Variants in GPHN observed in about 807,000 individuals in gnomAD.
The protein encoded by GPHN is gephyrin.
In GPHN, 17 loss-of-function variants were observed where a neutral mutation model predicts 95.5. The observed-to-expected ratio is 0.18, with a 90% CI of 0.12 to 0.27. The LOEUF (loss-of-function observed/expected upper bound fraction) is 0.27, where lower values mean the gene tolerates loss of function less well. GPHN is among the 10% of genes least tolerant of loss of function. The pLI is 1.00. For missense variants in GPHN, 660 were observed against 978.1 expected, an observed-to-expected ratio of 0.67 and a Z score of 4.34; for synonymous variants, 320 against 322.5, an observed-to-expected ratio of 0.99 and a Z score of 0.08.
At chr14:67,327,001 C>T in the GPHN span, among the ~76,000 whole-genome samples, 1 of 151,896 alleles carries the variant, frequency 6.6e-6, no homozygotes, top group African/African-American at 2.4e-5. Flanking sequence ...ATAGTGAAAC[C>T]CCGTCTCTAC....
intron 1 of GPHN, chr14:66,550,943 A>T (rs2059788548): frequency 6.6e-6 from 1 of 152,332 alleles, no homozygotes; most frequent in Non-Finnish European, 1.5e-5. Context: ...TGCAAGCTCC[A>T]CCTCCTGGGT....
chr14:66,750,233 T>C (rs113253964), intron 2 of GPHN, among the ~76,000 whole-genome samples: 78 of 152,080 alleles, frequency 5.1e-4, no homozygotes, highest in African/African-American at 1.6e-3. Flanking sequence ...TAGGTCTGAT[T>C]CATTTTGAAT....
chr14:66,690,154 T>C (rs540085569), intron 2 of GPHN, among the ~76,000 whole-genome samples: 4 of 152,238 alleles, frequency 2.6e-5, no homozygotes, highest in Non-Finnish European at 5.9e-5. Context: ...ATTTTCTACT[T>C]AATGTTGAGG....
the GPHN span, among the ~76,000 whole-genome samples, chr14:67,531,908 T>A: frequency 4.6e-5 from 4 of 86,630 alleles, no homozygotes; most frequent in African/African-American, 2.3e-4. Context: ...AGAACCTATG[T>A]CCAAAAAAAA....
chr14:66,523,049 A>G (rs1276460902), intron 1 of GPHN, among the ~76,000 whole-genome samples: 2 of 152,134 alleles, frequency 1.3e-5, no homozygotes, highest in Non-Finnish European at 2.9e-5. Flanking sequence ...AATCTGAGGA[A>G]CATGCCTCAT....
intron 11 of GPHN, among the ~76,000 whole-genome samples, chr14:67,083,743 G>A (rs1327417973): frequency 6.7e-6 from 1 of 148,520 alleles, no homozygotes; most frequent in African/African-American, 2.4e-5. Context: ...ATAACAGTCT[G>A]GGTTTAGGGA....
chr14:66,858,132 C>T (rs1270559398), intron 4 of GPHN, among the ~76,000 whole-genome samples: 2 of 152,110 alleles, frequency 1.3e-5, no homozygotes, highest in African/African-American at 4.8e-5. Context: ...CTAGTGCTGA[C>T]CTGGGCTCAG....
At chr14:67,391,281 G>A in the GPHN span, among the ~76,000 whole-genome samples, 12 of 151,020 alleles carry the variant, frequency 7.9e-5, no homozygotes, top group South Asian at 2.1e-3. Context: ...ATGTGTGTGT[G>A]TGTGTGTGTG....
chr14:66,611,767 C>T (rs938780898), intron 1 of GPHN, among the ~76,000 whole-genome samples: 3 of 152,170 alleles, frequency 2.0e-5, no homozygotes, highest in Non-Finnish European at 2.9e-5. Context: ...ACCAGCTCTA[C>T]TGCCTGTGTC....
At chr14:67,330,806 TAGTTTCC>T in the GPHN span, among the ~76,000 whole-genome samples, 1 of 152,222 alleles carries the variant, frequency 6.6e-6, no homozygotes, top group Non-Finnish European at 1.5e-5. Context: ...GTATGTTATA[TAGTTTCC>T]ACCTATTTGG....
At chr14:67,345,756 T>C in the GPHN span, 1 of 1,588,818 alleles carries the variant, frequency 6.3e-7, no homozygotes, top group South Asian at 1.1e-5. Context: ...CTCCAGGTCT[T>C]TTGCTACTTA....
chr14:67,038,092 T>C (rs2074518089), intron 10 of GPHN, among the ~76,000 whole-genome samples: 1 of 152,040 alleles, frequency 6.6e-6, no homozygotes, highest in Non-Finnish European at 1.5e-5. Context: ...CAAAATATGG[T>C]CTATTTATAC....
the GPHN span, among the ~76,000 whole-genome samples, chr14:67,399,268 C>T: frequency 2.9e-5 from 3 of 103,842 alleles, no homozygotes; most frequent in African/African-American, 4.1e-5. Flanking sequence ...AGAGAAGGGT[C>T]GTTTAGGTGG....
At chr14:66,869,870 T>C (rs2063364307) in intron 4 of GPHN, among the ~76,000 whole-genome samples, 1 of 152,236 alleles carries the variant, frequency 6.6e-6, no homozygotes, top group African/African-American at 2.4e-5. Flanking sequence ...TTAAATATTT[T>C]ATTCTAATTC....
intron 2 of GPHN, among the ~76,000 whole-genome samples, chr14:66,750,107 T>C (rs531832193): frequency 6.6e-6 from 1 of 151,960 alleles, no homozygotes; most frequent in Non-Finnish European, 1.5e-5. Flanking sequence ...TCTAACCTAC[T>C]GTTTCTTTCT....
chr14:66,566,134 C>T (rs146648276), intron 1 of GPHN, among the ~76,000 whole-genome samples: 450 of 152,044 alleles, frequency 3.0e-3, no homozygotes, highest in African/African-American at 0.011. Flanking sequence ...AGTCTACTTC[C>T]ATCTCCCTAC....
intron 3 of GPHN, among the ~76,000 whole-genome samples, chr14:66,806,333 G>A (rs1348915818): frequency 6.6e-6 from 1 of 152,174 alleles, no homozygotes; most frequent in Non-Finnish European, 1.5e-5. Context: ...AGGGGCTGCT[G>A]CAAAGGTCTC....
In GPHN at chr14:66,901,327, GGT is replaced by G. The variant is rs1369991744; in HGVS notation, c.390-14675_390-14674del. Among the ~76,000 whole-genome samples, 8 of 151,976 alleles carry G rather than the reference GGT, an allele frequency of 5.3e-5. No homozygotes were observed. The East Asian group carries it at 1.5e-3, about 29-fold the overall frequency. ...TTGAAATGTTTTCTTCCATTCTGTG[GGT>G]TGTCTCTTTGCTTTCCTGATTGTGT... On this transcript the variant is annotated intron_variant, in intron 5 of 22. Coordinates refer to ENST00000478722, the MANE Select transcript of GPHN (RefSeq NM_020806.5).
chr14:66,805,416 C>G lies in GPHN; in HGVS notation c.202-19058C>G, dbSNP rs112544203. Among the ~76,000 whole-genome samples the G allele has an allele frequency of 3.1e-3, 470 of 152,246 alleles. 11 individuals are homozygous for G. The highest frequency in any genetic ancestry group is 0.011 in the African/African-American group (445 of 41,528). On this transcript the variant is annotated intron_variant, in intron 3 of 22. Coordinates refer to ENST00000478722, the MANE Select transcript of GPHN (RefSeq NM_020806.5). ...AAATCTCATACCCTCACATTTCATA[C>G]CCAATCATGCCTTCTCAACAGTCCC...
Sources: allele counts gnomAD v4.1 joint callset (sites outside exome capture counted in the v4.1 genomes callset), GRCh38; gene constraint gnomAD v4.1.1; transcripts MANE v1.5; gene names NCBI Gene and HGNC (gene_info 2026-07-23, HGNC 2026-07-21).